Variants in FILIP1L observed in about 807,000 individuals in gnomAD.
FILIP1L encodes filamin A interacting protein 1 like.
A neutral mutation model predicts 96.6 loss-of-function variants in FILIP1L; 55 were observed. That is an observed-to-expected ratio of 0.57 (90% CI 0.46 to 0.71). The LOEUF (loss-of-function observed/expected upper bound fraction) is 0.71. Ranked by LOEUF, FILIP1L falls within the 30% of genes least tolerant of loss-of-function variation. The pLI is 0.00. For synonymous variants in FILIP1L, 467 were observed against 473.9 expected, an observed-to-expected ratio of 0.99 and a Z score of 0.19; for missense variants, 1,304 against 1,321.2, an observed-to-expected ratio of 0.99 and a Z score of 0.20.
chr3:99,955,457 G>A (rs1470408917), intron 1 of FILIP1L, among the ~76,000 whole-genome samples: 1 of 152,146 alleles, frequency 6.6e-6, no homozygotes, highest in East Asian at 1.9e-4. Flanking sequence ...TGGCTCTGGG[G>A]GATAATAGAA....
intron 1 of FILIP1L, among the ~76,000 whole-genome samples, chr3:100,057,254 A>C (rs2065480412): frequency 6.6e-6 from 1 of 152,184 alleles, no homozygotes; most frequent in Non-Finnish European, 1.5e-5. Flanking sequence ...ACTATTCTCC[A>C]AGAGTCTAAT....
intron 1 of FILIP1L, among the ~76,000 whole-genome samples, chr3:100,003,461 A>T (rs1403433174): frequency 1.3e-5 from 2 of 152,204 alleles, no homozygotes. Flanking sequence ...GCAAGTGACT[A>T]TGATAGATGC....
chr3:100,091,328 G>A (rs887346158), intron 1 of FILIP1L, among the ~76,000 whole-genome samples: 1 of 151,886 alleles, frequency 6.6e-6, no homozygotes, highest in African/African-American at 2.4e-5. Flanking sequence ...GCCTTTAAGG[G>A]GTGTGCATGT....
At chr3:100,105,175 G>T (rs2066373413) in intron 1 of FILIP1L, among the ~76,000 whole-genome samples, 1 of 152,266 alleles carries the variant, frequency 6.6e-6, no homozygotes, top group East Asian at 1.9e-4. Context: ...TGCCTGTAAA[G>T]ATTTTTCTGG....
chr3:100,029,001 TA>T (rs1197034542), intron 1 of FILIP1L, among the ~76,000 whole-genome samples: 1 of 152,140 alleles, frequency 6.6e-6, no homozygotes, highest in East Asian at 1.9e-4. Context: ...CTTGAGCACC[TA>T]AACTCAATTC....
chr3:99,863,997 A>G (rs1944386243), intron 4 of FILIP1L, among the ~76,000 whole-genome samples: 2 of 152,220 alleles, frequency 1.3e-5, no homozygotes, highest in African/African-American at 4.8e-5. Flanking sequence ...AAAAATAAAC[A>G]TGGTTGCTAA....
intron 1 of FILIP1L, among the ~76,000 whole-genome samples, chr3:100,078,421 C>T (rs2065882521): frequency 1.3e-5 from 2 of 152,100 alleles, no homozygotes; most frequent in Non-Finnish European, 2.9e-5. Context: ...TCTTAATTCT[C>T]TATTGCTACA....
At chr3:100,057,808 G>GT (rs1326537550) in intron 1 of FILIP1L, among the ~76,000 whole-genome samples, 3 of 152,064 alleles carry the variant, frequency 2.0e-5, no homozygotes, top group African/African-American at 7.2e-5. Flanking sequence ...CAAACCCTAG[G>GT]TTTTTTTAAC....
intron 1 of FILIP1L, among the ~76,000 whole-genome samples, chr3:100,053,954 C>A (rs1234102917): frequency 6.6e-6 from 1 of 152,244 alleles, no homozygotes; most frequent in Non-Finnish European, 1.5e-5. Flanking sequence ...CTGGCCCACA[C>A]TTCTTCCCAA....
At chr3:99,979,592 A>G (rs1235014558) in intron 1 of FILIP1L, among the ~76,000 whole-genome samples, 13 of 152,364 alleles carry the variant, frequency 8.5e-5, no homozygotes, top group Non-Finnish European at 1.5e-5. Context: ...AAATTCCACT[A>G]GAAAATGGTT....
chr3:100,042,752 AT>A (rs373103041), intron 1 of FILIP1L, among the ~76,000 whole-genome samples: 413 of 152,208 alleles, frequency 2.7e-3, no homozygotes, highest in African/African-American at 9.4e-3. Flanking sequence ...TGCTATAACC[AT>A]TTCTTCCACA....
At chr3:100,110,556 T>C (rs2066473949) in intron 1 of FILIP1L, among the ~76,000 whole-genome samples, 1 of 152,130 alleles carries the variant, frequency 6.6e-6, no homozygotes, top group East Asian at 1.9e-4. Context: ...TAAATACATG[T>C]ACAGGAAATT....
At chr3:100,037,956 T>TTTTTTG (rs1491209575) in intron 1 of FILIP1L, among the ~76,000 whole-genome samples, 4 of 87,814 alleles carry the variant, frequency 4.6e-5, no homozygotes, top group African/African-American at 1.2e-4. Flanking sequence ...TTTTTTTTTT[T>TTTTTTG]GGGGGGGGAG....
intron 4 of FILIP1L, among the ~76,000 whole-genome samples, chr3:99,899,764 A>C (rs1576557892): frequency 6.6e-6 from 1 of 152,310 alleles, no homozygotes; most frequent in Middle Eastern, 3.4e-3. Flanking sequence ...AGGGTGATGA[A>C]CCAGACTCCC....
At chr3:99,943,992 C>T (rs1707930105) in intron 1 of FILIP1L, among the ~76,000 whole-genome samples, 2 of 152,176 alleles carry the variant, frequency 1.3e-5, no homozygotes, top group Non-Finnish European at 1.5e-5. Flanking sequence ...GATAGGAACT[C>T]ATAGCTTATC....
At chr3:100,020,977 A>G (rs955241727) in intron 1 of FILIP1L, among the ~76,000 whole-genome samples, 1 of 152,178 alleles carries the variant, frequency 6.6e-6, no homozygotes, top group African/African-American at 2.4e-5. Flanking sequence ...CATGTTGGCC[A>G]GATGGTCCTG....
chr3:99,836,464 G>A (rs1942899765), intron 5 of FILIP1L, among the ~76,000 whole-genome samples: 1 of 152,162 alleles, frequency 6.6e-6, no homozygotes, highest in South Asian at 2.1e-4. Context: ...AAATTTTGGA[G>A]ATGTTGCTTT....
Position 99,983,689 on chromosome 3 carries a change from C to CA in FILIP1L, c.-10-52660dup, listed in dbSNP as rs533900254. On this transcript the variant is annotated intron_variant, in intron 1 of 5. Coordinates refer to ENST00000477258, the MANE Select transcript of FILIP1L (RefSeq NM_001387850.1). ...TGGGTGACTGAGCAAGACTCAGTCT[C>CA]AAAAAAAAAAAAAAGAAATGAGAAG... Among the ~76,000 whole-genome samples, 574 of 89,852 alleles carry CA rather than the reference C, an allele frequency of 6.4e-3. 3 individuals are homozygous for CA. Among genetic ancestry groups the CA allele is most frequent in the African/African-American group, 0.012 (294 of 24,414 alleles). 58.9% of individuals were successfully genotyped at this position (89,852 alleles called of 152,430 possible).
chr3:99,838,042 A>C (rs1162688221), intron 5 of FILIP1L, among the ~76,000 whole-genome samples: 1 of 152,210 alleles, frequency 6.6e-6, no homozygotes, highest in East Asian at 1.9e-4. Context: ...TCTGAGGCTA[A>C]TCAGGTACCT....
Sources: gnomAD v4.1 joint callset for allele counts (sites outside exome capture counted in the v4.1 genomes callset) on GRCh38, gnomAD v4.1.1 for gene constraint, MANE v1.5 for transcripts, NCBI Gene and HGNC (gene_info 2026-07-23, HGNC 2026-07-21) for gene names.